Variants in CLIP4 observed in about 807,000 individuals in gnomAD.
CLIP4 encodes CAP-Gly domain-containing linker protein 4.
In CLIP4, 47 loss-of-function variants were observed where a neutral mutation model predicts 73.1. The ratio of observed to expected loss-of-function variants is 0.64; its 90% CI spans 0.51 to 0.82. The LOEUF (loss-of-function observed/expected upper bound fraction) is 0.82. CLIP4 is among the 40% of genes least tolerant of loss of function. CLIP4 has a pLI of 0.00. For missense variants in CLIP4, 874 were observed against 852.9 expected, an observed-to-expected ratio of 1.02 and a Z score of -0.31; for synonymous variants, 306 against 295.4, an observed-to-expected ratio of 1.04 and a Z score of -0.37.
intron 10 of CLIP4, among the ~76,000 whole-genome samples, 170 bp downstream of exon 10, chr2:29,156,613 A>T (rs544516503): frequency 1.3e-5 from 2 of 152,210 alleles, no homozygotes; most frequent in Non-Finnish European, 2.9e-5. Context: ...AGCTATATAC[A>T]TTATATTTTT....
In CLIP4 at chr2:29,163,859, A is replaced by G; in HGVS notation, c.1563A>G (p.Lys521=). 1 of 1,613,106 alleles carries G rather than the reference A, an allele frequency of 6.2e-7. No homozygotes were observed. Among genetic ancestry groups the G allele is most frequent in the Non-Finnish European group, 8.5e-7 (1 of 1,179,566 alleles). ...ATTGGTATGGTATAGAGCTTGAAAAACCCCATGGCAAGAATGATGGTTCAG... is the reference window on the plus strand; with the variant it reads ...ATTGGTATGGTATAGAGCTTGAAAAGCCCCATGGCAAGAATGATGGTTCAG... ...PGYWYGIELE[K]PHGKNDGSVG... is the part of the protein sequence containing the mutation. The change falls in exon 13 of 16, where the codon AAA becomes AAG. Residue 521 remains lysine, a synonymous_variant. Transcript: ENST00000320081.
rs191665462 is a variant in CLIP4, at chr2:29,099,015, G to T, written c.-16+1068G>T. 3.9e-3 allele frequency among the ~76,000 whole-genome samples: 587 copies of T among 152,324 alleles called. 3 individuals are homozygous for T. Among genetic ancestry groups the T allele is most frequent in the Non-Finnish European group, 5.9e-3 (402 of 68,022 alleles). On this transcript the variant is annotated intron_variant, in intron 1 of 14. Transcript: ENST00000401605. ...TTGCTATTTGTATATCTTCTTTGGT[G>T]AGGTGTCTGTTCAGATCTTTTGCCC...
intron 15 of CLIP4, among the ~76,000 whole-genome samples, chr2:29,178,641 T>A (rs1289398197): frequency 1.3e-5 from 2 of 152,192 alleles, no homozygotes; most frequent in African/African-American, 4.8e-5. Flanking sequence ...TACGAAAACA[T>A]TTTTATGGCA....
At chr2:29,169,240 GGTGT>G (rs1267621339) in intron 14 of CLIP4, among the ~76,000 whole-genome samples, 1 of 152,046 alleles carries the variant, frequency 6.6e-6, no homozygotes, top group African/African-American at 2.4e-5. Context: ...CTGAGATCAA[GGTGT>G]TGGCAGGTTT....
At chr2:29,125,802 T>A (rs1664565543) in intron 2 of CLIP4, among the ~76,000 whole-genome samples, 2 of 152,204 alleles carry the variant, frequency 1.3e-5, no homozygotes, top group South Asian at 2.1e-4. Context: ...AGGGCGAATT[T>A]GGCCCTCATT....
intron 6 of CLIP4, among the ~76,000 whole-genome samples, chr2:29,137,859 A>AT (rs925642448): frequency 7.3e-5 from 11 of 150,202 alleles, no homozygotes; most frequent in Admixed American, 6.6e-5. Flanking sequence ...TTTTAATGGG[A>AT]TTTTTTTTCT....
intron 6 of CLIP4, among the ~76,000 whole-genome samples, chr2:29,137,750 A>G (rs1665472041): frequency 6.6e-6 from 1 of 152,062 alleles, no homozygotes; most frequent in African/African-American, 2.4e-5. Flanking sequence ...GGTGTTGATT[A>G]GCATTTCTCT....
At chr2:29,105,208 G>A (rs971131135) in intron 1 of CLIP4, among the ~76,000 whole-genome samples, 9 of 152,156 alleles carry the variant, frequency 5.9e-5, no homozygotes, top group African/African-American at 2.2e-4. Context: ...ATGCCGGTTG[G>A]TGTTGAGCAC....
chr2:29,157,407 G>GTA, intron 11 of CLIP4, 60 bp downstream of exon 11: 3 of 1,613,312 alleles, frequency 1.9e-6, no homozygotes, highest in Non-Finnish European at 2.5e-6. Context: ...TTGTTTGTAA[G>GTA]TAGATTTGCT....
intron 2 of CLIP4, among the ~76,000 whole-genome samples, chr2:29,128,088 T>C (rs1281239007): frequency 6.6e-6 from 1 of 152,188 alleles, no homozygotes; most frequent in East Asian, 1.9e-4. Flanking sequence ...ATAGATCAAA[T>C]AAGCCTAGTT....
intron 1 of CLIP4, among the ~76,000 whole-genome samples, chr2:29,102,746 C>T (rs1214953099): frequency 6.6e-6 from 1 of 152,110 alleles, no homozygotes; most frequent in African/African-American, 2.4e-5. Flanking sequence ...CTGCCTTAGC[C>T]TCCTGAGTAG....
Position 29,144,168 on chromosome 2 carries a change from TAAAGA to T in CLIP4, c.885+224_885+228del, listed in dbSNP as rs778591074. On this transcript the variant is annotated intron_variant, in intron 7 of 15. Transcript: ENST00000320081. ...AATAAAGAAGACATCTTTATTTGAATAAAGAGTGGAGTGGAGTAGAACTCTTGAGT... is the reference window on the plus strand; with the variant it reads ...AATAAAGAAGACATCTTTATTTGAATGTGGAGTGGAGTAGAACTCTTGAGT... Among the ~76,000 whole-genome samples, 180 of 152,348 alleles carry T rather than the reference TAAAGA, an allele frequency of 1.2e-3. 1 individual carries two copies. Among genetic ancestry groups the T allele is most frequent in the Non-Finnish European group, 1.8e-3 (121 of 68,028 alleles).
intron 13 of CLIP4, among the ~76,000 whole-genome samples, chr2:29,165,992 G>T (rs1667589336): frequency 6.6e-6 from 1 of 151,330 alleles, no homozygotes. Context: ...AAAAAAATAG[G>T]GCTGTCTCTA....
chr2:29,138,767 A>G (rs1665554342), intron 6 of CLIP4, among the ~76,000 whole-genome samples: 1 of 152,138 alleles, frequency 6.6e-6, no homozygotes, highest in African/African-American at 2.4e-5. Flanking sequence ...GCTGTTGTAA[A>G]TGGAATTGTG....
intron 9 of CLIP4, among the ~76,000 whole-genome samples, 180 bp from the exon 10 acceptor site, chr2:29,156,174 T>C (rs1488194538): frequency 6.6e-6 from 1 of 152,220 alleles, no homozygotes; most frequent in Admixed American, 6.5e-5. Flanking sequence ...TGTTACTGTC[T>C]CCTTCTCGTA....
chr2:29,176,366 C>G (rs903084730), intron 15 of CLIP4, among the ~76,000 whole-genome samples: 1 of 152,092 alleles, frequency 6.6e-6, no homozygotes, highest in Non-Finnish European at 1.5e-5. Flanking sequence ...CTTGCTTGTT[C>G]GTATGGAAAT....
At chr2:29,156,289 T>TA (rs1666918109) in intron 9 of CLIP4, 65 bp from the exon 10 acceptor site, 1 of 1,159,400 alleles carries the variant, frequency 8.6e-7, no homozygotes, top group Admixed American at 2.8e-5. Flanking sequence ...GCATGTACTT[T>TA]AAAAAATACA....
At chr2:29,146,505 C>T (rs1335307521) in intron 8 of CLIP4, among the ~76,000 whole-genome samples, 1 of 152,192 alleles carries the variant, frequency 6.6e-6, no homozygotes, top group Non-Finnish European at 1.5e-5. Context: ...TAAATTTATT[C>T]TTCCTCTCTC....
intron 1 of CLIP4, among the ~76,000 whole-genome samples, chr2:29,100,025 AATTTT>A (rs1313836931): frequency 7.2e-5 from 11 of 152,068 alleles, no homozygotes; most frequent in African/African-American, 1.9e-4. Context: ...ATTGACTTAA[AATTTT>A]ATTTTATTTT....
Sources: allele counts gnomAD v4.1 joint callset (sites outside exome capture counted in the v4.1 genomes callset), GRCh38; gene constraint gnomAD v4.1.1; transcripts MANE v1.5; gene names NCBI Gene and HGNC (gene_info 2026-07-23, HGNC 2026-07-21).